Variants in KCNK16 observed in about 807,000 individuals in gnomAD.
KCNK16 encodes potassium two pore domain channel subfamily K member 16, also known as potassium channel subfamily K member 16.
KCNK16 carries 23 observed loss-of-function variants against 23.0 expected under a neutral mutation model. The observed-to-expected ratio is 1.00, with a 90% CI of 0.72 to 1.41. KCNK16 has a LOEUF of 1.41. Ranked by LOEUF, KCNK16 falls within the 40% of genes most tolerant of loss-of-function variation. The pLI, the probability that KCNK16 is intolerant of heterozygous loss-of-function variation, is 0.00. For missense variants in KCNK16, 327 were observed against 365.8 expected (o/e 0.89, Z 0.87); for synonymous variants, 145 against 153.5 (o/e 0.94, Z 0.41).
rs905882273 is a variant in KCNK16 at position 39,319,912 on chromosome 6, C to T, written c.214-779G>A. ...CTTTGCCGGCTCAAGCCTACAACAC[C>T]TCCCTTCGCTGCCCCACTGCTGACA... On this transcript the variant is annotated intron_variant, in intron 1 of 4. Coordinates refer to ENST00000437525, the MANE Select transcript of KCNK16 (RefSeq NM_001135106.2). This position sits in a 1 kb window ranked among gnomAD's most constrained non-coding sequence, Gnocchi z 4.2. Among the ~76,000 whole-genome samples the T allele has an allele frequency of 6.6e-6, 1 of 152,164 alleles. No homozygotes were observed. The highest frequency in any genetic ancestry group is 6.5e-5 in the Admixed American group (1 of 15,280).
chr6:39,322,558 G>A lies in KCNK16; in HGVS notation c.-18C>T, dbSNP rs1172966568. 6.4e-7 allele frequency: 1 copy of A among 1,572,732 alleles called. No individual in the cohort carries two copies. Among genetic ancestry groups the A allele is most frequent in the Admixed American group, 1.8e-5 (1 of 54,872 alleles). ...CTGGGCATGCTGTGGCCAGGACCCT[G>A]CCAGGGCCGTGGGGCTGGCTATGGG... On this transcript the variant is annotated 5_prime_UTR_variant, in exon 1 of 5. Coordinates refer to ENST00000437525, the MANE Select transcript of KCNK16 (RefSeq NM_001135106.2).
Position 39,317,827 on chromosome 6 carries a change from C to T in KCNK16, c.454G>A (p.Ala152Thr). ...HLGTGLRAHLAAIERWEDRPR... is the reference protein window; with the variant it reads ...HLGTGLRAHLTAIERWEDRPR... The stretch of plus-strand genomic sequence containing the variant: ...CGGTCCTCCCATCTTTCAATGGCGG[C>T]CAGATGGGCACGCAGCCCTGTGCCC... Residue 152 changes from alanine to threonine, a missense_variant, in exon 3 of 5, where the codon GCC (alanine) becomes ACC (threonine). Physicochemically the swap from Ala to Thr is moderately conservative, Grantham distance 58. Transcript: ENST00000437525. 6.2e-7 allele frequency: 1 copy of T among 1,611,334 alleles called. No homozygotes were observed.
intron 1 of KCNK16, among the ~76,000 whole-genome samples, chr6:39,321,321 A>G (rs1046921145): frequency 6.6e-6 from 1 of 152,230 alleles, no homozygotes; most frequent in Non-Finnish European, 1.5e-5. Context: ...CTCCAGAGCC[A>G]GAGGCCTGGG....
downstream of KCNK16, chr6:39,314,615 G>A: frequency 2.3e-6 from 1 of 431,364 alleles, no homozygotes; most frequent in African/African-American, 2.0e-5. Flanking sequence ...GGTGACCGCA[G>A]GCGCTGAGGG....
rs905798265 is a variant in KCNK16, at chr6:39,319,501, G to A, written c.214-368C>T. On this transcript the variant is annotated intron_variant, in intron 1 of 4. Transcript: ENST00000437525. The surrounding 1 kb of genome is among the most constrained non-coding windows in gnomAD (Gnocchi z 4.2). ...CAAAAGGATGGCACCCACATCAGCT[G>A]TTAGAACAATGGGAGGATTTCAGGT... is the stretch of plus-strand genomic sequence containing the variant. 4.6e-5 allele frequency among the ~76,000 whole-genome samples: 7 copies of A among 152,158 alleles called. No homozygotes were observed. Among genetic ancestry groups the A allele is most frequent in the East Asian group, 1.9e-4 (1 of 5,170 alleles).
At chr6:39,317,237 A>C (rs111683384) in intron 3 of KCNK16, among the ~76,000 whole-genome samples, 1 of 152,242 alleles carries the variant, frequency 6.6e-6, no homozygotes, top group African/African-American at 2.4e-5. Context: ...GATCTGGAAC[A>C]GAAAAGTATC....
intron 2 of KCNK16, among the ~76,000 whole-genome samples, chr6:39,318,166 C>T (rs1321810858): frequency 1.3e-5 from 2 of 152,230 alleles, no homozygotes; most frequent in East Asian, 3.9e-4. Flanking sequence ...CTCCATGAAG[C>T]CCTCCTGACT....
In KCNK16 at chr6:39,322,459, C is replaced by G; in HGVS notation, c.82G>C (p.Gly28Arg). 6.2e-7 allele frequency: 1 copy of G among 1,614,014 alleles called. No individual in the cohort carries two copies. Among genetic ancestry groups the G allele is most frequent in the Non-Finnish European group, 8.5e-7 (1 of 1,180,010 alleles). Reference sequence around the variant, plus strand: ...TCTAGCAGCTGGAAGATAGTGGCACCGAGCAGCAGGTAGCAGACATAGGCC... The same window carrying G: ...TCTAGCAGCTGGAAGATAGTGGCACGGAGCAGCAGGTAGCAGACATAGGCC... Reference protein sequence around the residue: ...LLAYVCYLLLGATIFQLLERQ... With the variant: ...LLAYVCYLLLRATIFQLLERQ... The change falls in exon 1 of 5, where the codon GGT (glycine) becomes CGT (arginine). Residue 28 changes from glycine to arginine, a missense_variant. Gly to Arg is a moderately radical substitution (Grantham distance 125, BLOSUM62 -2). Transcript: ENST00000437525.
At position 39,319,140 on chromosome 6, in the gene KCNK16, G is replaced by C. The variant is rs1448277721; in HGVS notation, c.214-7C>G. 6.4e-7 allele frequency: 1 copy of C among 1,568,736 alleles called. No homozygotes were observed. Among genetic ancestry groups the C allele is most frequent in the Non-Finnish European group, 8.8e-7 (1 of 1,139,044 alleles). On this transcript the variant is annotated splice_polypyrimidine_tract_variant and splice_region_variant and intron_variant, in intron 1 of 4. Coordinates refer to ENST00000437525, the MANE Select transcript of KCNK16 (RefSeq NM_001135106.2). The surrounding 1 kb of genome is among the most constrained non-coding windows in gnomAD (Gnocchi z 4.2). ...CCCAGGCTTCCATGATGACCTGTAG[G>C]GGGTGGCATGGCAGGGGAGGAAGAA...
At chr6:39,316,476 G>A (rs1583782129) in intron 4 of KCNK16, 34 bp from the exon 5 acceptor site, 1 of 1,566,588 alleles carries the variant, frequency 6.4e-7, no homozygotes, top group Non-Finnish European at 8.7e-7. Flanking sequence ...AATGCCAGGG[G>A]TCTCAGGGCA....
downstream of KCNK16, chr6:39,315,365 T>G (rs1409477061): frequency 6.4e-7 from 1 of 1,551,498 alleles, no homozygotes; most frequent in Non-Finnish European, 8.7e-7. Context: ...TGGCTTCCCA[T>G]GGGGTGTTTG....
chr6:39,315,222 G>A, downstream of KCNK16: 1 of 1,613,622 alleles, frequency 6.2e-7, no homozygotes, highest in Non-Finnish European at 8.5e-7. Flanking sequence ...GGATGGAGTG[G>A]TCTAAATCTC....
At chr6:39,317,736 C>G (rs1490440947) in intron 3 of KCNK16, 50 bp downstream of exon 3, 12 of 1,488,236 alleles carry the variant, frequency 8.1e-6, no homozygotes, top group Non-Finnish European at 2.7e-6. Context: ...GGGAACTCCA[C>G]TTGCAACAGA....
chr6:39,315,469 G>A (rs750103220), downstream of KCNK16: 70 of 1,513,972 alleles, frequency 4.6e-5, no homozygotes, highest in Admixed American at 6.2e-5. Flanking sequence ...AGGAAAGTGG[G>A]TAGGACACCC....
chr6:39,314,964 G>A (rs750230839), downstream of KCNK16: 7 of 1,529,948 alleles, frequency 4.6e-6, no homozygotes, highest in East Asian at 4.5e-5. Context: ...ACCTGGAGTG[G>A]AGGAAGCGTC....
intron 1 of KCNK16, among the ~76,000 whole-genome samples, chr6:39,322,064 G>A (rs903469595): frequency 1.3e-5 from 2 of 152,214 alleles, no homozygotes; most frequent in Admixed American, 6.5e-5. Context: ...CTGCAGTACC[G>A]ATATGGTTAT....
downstream of KCNK16, chr6:39,315,541 C>T (rs2113847305): frequency 3.1e-6 from 3 of 979,432 alleles, no homozygotes; most frequent in East Asian, 7.9e-5. Flanking sequence ...AGCTGGCGAG[C>T]TTTGAGAGGC....
Position 39,316,474 on chromosome 6 carries a change from G to T in KCNK16, c.662-32C>A, listed in dbSNP as rs368025771. On this transcript the variant is annotated intron_variant, in intron 4 of 4. Transcript: ENST00000437525. The stretch of plus-strand genomic sequence containing the variant: ...GGGAAGGGAATGGCATCAATGCCAG[G>T]GGTCTCAGGGCATAGCCACCTCCAG... 24 of 1,568,028 alleles carry T rather than the reference G, an allele frequency of 1.5e-5. No individual in the cohort carries two copies. In the Admixed American group the frequency reaches 1.6e-4, roughly 11 times the overall value.
In KCNK16 at chr6:39,322,374, T is replaced by C. The variant is rs770164672; in HGVS notation, c.167A>G (p.Glu56Gly). The stretch of plus-strand genomic sequence containing the variant: ...CCACTGGTCCAGGCAGGTGTAGTTC[T>C]CCAGGAAGCGCAGCTTCTCCAACTG... ...QFQLEKLRFL[E>G]NYTCLDQWAM... The change falls in exon 1 of 5, where the codon GAG (glutamate) becomes GGG (glycine). Residue 56 changes from glutamate (E) to glycine (G), a missense_variant. Coordinates refer to ENST00000437525, the MANE Select transcript of KCNK16 (RefSeq NM_001135106.2). 4 of 1,614,200 alleles carry C rather than the reference T, an allele frequency of 2.5e-6. No individual in the cohort carries two copies. In the Admixed American group the frequency reaches 6.7e-5, roughly 27 times the overall value.
Sources: gnomAD v4.1 joint callset for allele counts (sites outside exome capture counted in the v4.1 genomes callset) on GRCh38, gnomAD v4.1.1 for gene constraint, Gnocchi (gnomAD v3.1) non-coding constraint, MANE v1.5 for transcripts, NCBI Gene and HGNC (gene_info 2026-07-23, HGNC 2026-07-21) for gene names.